The following FRMD6 variants were observed in gnomAD, a reference collection of about 807,000 sequenced individuals.
FRMD6 encodes FERM domain-containing protein 6.
FRMD6 carries 37 observed loss-of-function variants against 73.2 expected under a neutral mutation model. The observed-to-expected ratio is 0.51, with a 90% CI of 0.39 to 0.66. The LOEUF (loss-of-function observed/expected upper bound fraction) is 0.66. Ranked by LOEUF, FRMD6 falls within the 30% of genes least tolerant of loss-of-function variation. The pLI is 0.00. For synonymous variants in FRMD6, 273 were observed against 282.2 expected (o/e 0.97, Z 0.33); for missense variants, 714 against 780.5 (o/e 0.91, Z 1.02).
intron 1 of FRMD6, among the ~76,000 whole-genome samples, chr14:51,673,000 C>A (rs928246925): frequency 8.5e-5 from 13 of 152,198 alleles, no homozygotes; most frequent in Non-Finnish European, 1.5e-4. Context: ...CTTTATTCAC[C>A]ATGTAGGTAA....
At chr14:51,670,986 A>G (rs1183838261) in intron 1 of FRMD6, among the ~76,000 whole-genome samples, 1 of 152,162 alleles carries the variant, frequency 6.6e-6, no homozygotes, top group African/African-American at 2.4e-5. Context: ...AAATTTTATC[A>G]GCTGTTTTTC....
intron 1 of FRMD6, among the ~76,000 whole-genome samples, chr14:51,547,556 C>T (rs1022899042): frequency 2.6e-5 from 4 of 152,162 alleles, no homozygotes; most frequent in African/African-American, 9.7e-5. Flanking sequence ...TAGCCAAATG[C>T]ATCTCCTGGT....
intron 2 of FRMD6, among the ~76,000 whole-genome samples, chr14:51,639,096 G>T (rs8021964): frequency 0.049 from 7,376 of 151,080 alleles, 212 homozygotes; most frequent in Middle Eastern, 0.075. Context: ...CCCATTTTTT[G>T]CCACAGGACT....
At chr14:51,658,503 GAA>G (rs1327107953) in intron 1 of FRMD6, among the ~76,000 whole-genome samples, 1 of 152,118 alleles carries the variant, frequency 6.6e-6, no homozygotes, top group East Asian at 1.9e-4. Flanking sequence ...TCATCCTTAA[GAA>G]AATGTTTCAA....
intron 1 of FRMD6, among the ~76,000 whole-genome samples, chr14:51,507,489 C>G (rs904909537): frequency 6.6e-6 from 1 of 152,086 alleles, no homozygotes; most frequent in African/African-American, 2.4e-5. Context: ...AGGTAGAGAC[C>G]CTGAATAATT....
chr14:51,525,940 C>T (rs1334239947), intron 1 of FRMD6, among the ~76,000 whole-genome samples: 3 of 152,074 alleles, frequency 2.0e-5, no homozygotes, highest in Non-Finnish European at 4.4e-5. Context: ...ATGTTAAAAC[C>T]ACCATGAAAG....
chr14:51,478,119 A>G, the FRMD6 span, among the ~76,000 whole-genome samples: 1 of 152,174 alleles, frequency 6.6e-6, no homozygotes, highest in Non-Finnish European at 1.5e-5. Flanking sequence ...TCTGTAACTG[A>G]GTGATTTTAG....
chr14:51,726,774 G>T (rs1897979415), intron 13 of FRMD6, among the ~76,000 whole-genome samples: 1 of 152,150 alleles, frequency 6.6e-6, no homozygotes, highest in Non-Finnish European at 1.5e-5. Context: ...GTGAAATCCT[G>T]TTGGAGTCTG....
chr14:51,637,090 T>C lies in FRMD6; in HGVS notation c.-146-52601T>C, dbSNP rs112767006. ...AATAATAATTAGCTGGGCATGGTGG[T>C]GTACACCTATAGTTCCAACTACGTG... On this transcript the variant is annotated intron_variant, in intron 2 of 14. Transcript: ENST00000356218. Among the ~76,000 whole-genome samples, 371 of 152,084 alleles carry C rather than the reference T, an allele frequency of 2.4e-3. 3 individuals are homozygous for C. The highest frequency in any genetic ancestry group is 7.8e-3 in the African/African-American group (325 of 41,470).
At chr14:51,477,911 T>C in the FRMD6 span, among the ~76,000 whole-genome samples, 18 of 152,258 alleles carry the variant, frequency 1.2e-4, no homozygotes, top group African/African-American at 3.6e-4. Context: ...GCTAATTTTG[T>C]ATTTTCAATA....
At position 51,715,368 on chromosome 14, in the gene FRMD6, G is replaced by A. The variant is rs374142834; in HGVS notation, c.893G>A (p.Arg298Gln). 59 of 1,601,178 alleles carry A rather than the reference G, an allele frequency of 3.7e-5. No homozygotes were observed. Among genetic ancestry groups the A allele is most frequent in the African/African-American group, 5.4e-5 (4 of 74,526 alleles). Residue 298 changes from arginine (R) to glutamine (Q), a missense_variant, in exon 10 of 14, where the codon CGG becomes CAG. Physicochemically the swap from Arg to Gln is conservative, Grantham distance 43. Transcript: ENST00000344768. ...TTGCCAGATGGCTTGCCTTCTGCCC[G>A]GAAGCTCATATACTACACGGGGTGC... is the stretch of plus-strand genomic sequence containing the variant. Reference protein sequence around the residue: ...EILPDGLPSARKLIYYTGCPM... With the variant: ...EILPDGLPSAQKLIYYTGCPM...
At chr14:51,622,478 G>T (rs1890961165) in intron 2 of FRMD6, among the ~76,000 whole-genome samples, 1 of 152,158 alleles carries the variant, frequency 6.6e-6, no homozygotes, top group Non-Finnish European at 1.5e-5. Flanking sequence ...GGCAGAAGCA[G>T]TCCTGACTCC....
At chr14:51,648,115 G>A (rs527582989), upstream of FRMD6, among the ~76,000 whole-genome samples, 4 of 152,228 alleles carry the variant, frequency 2.6e-5, no homozygotes, top group South Asian at 2.1e-4. Flanking sequence ...ATGAGCCACC[G>A]CGCCCAGCCA....
chr14:51,642,839 A>G (rs1891871925), intron 2 of FRMD6, among the ~76,000 whole-genome samples: 1 of 152,252 alleles, frequency 6.6e-6, no homozygotes, highest in South Asian at 2.1e-4. Context: ...ACAATACTTA[A>G]TAAGTATCTG....
the FRMD6 span, among the ~76,000 whole-genome samples, chr14:51,439,150 G>T: frequency 6.6e-6 from 1 of 152,184 alleles, no homozygotes; most frequent in African/African-American, 2.4e-5. Context: ...AAAGCTTTTT[G>T]ATGTATAAAA....
intron 3 of FRMD6, among the ~76,000 whole-genome samples, chr14:51,699,431 C>T (rs958056802): frequency 1.3e-5 from 2 of 152,016 alleles, no homozygotes; most frequent in Admixed American, 6.6e-5. Flanking sequence ...ACTGCTAGAT[C>T]CTTATTGTTC....
intron 1 of FRMD6, among the ~76,000 whole-genome samples, chr14:51,519,023 A>G (rs1349080450): frequency 6.6e-6 from 1 of 152,226 alleles, no homozygotes; most frequent in Non-Finnish European, 1.5e-5. Context: ...TGAACAAGAT[A>G]GTCTTGTCCT....
chr14:51,694,510 T>C (rs914019539), intron 2 of FRMD6, among the ~76,000 whole-genome samples: 1 of 152,098 alleles, frequency 6.6e-6, no homozygotes, highest in African/African-American at 2.4e-5. Context: ...GGCAACATAG[T>C]GAGACCCCTG....
rs1450882226 is a variant in FRMD6 at position 51,692,288 on chromosome 14, GT to G, written c.99+2354del. 5.3e-5 allele frequency among the ~76,000 whole-genome samples: 8 copies of G among 152,230 alleles called. No individual in the cohort carries two copies. The East Asian group carries it at 1.3e-3, about 26-fold the overall frequency. ...AATCGACAATGTGTCTCTTTTTTCA[GT>G]GGGGGCACTAGCAATATAAGTTATA... On this transcript the variant is annotated intron_variant, in intron 2 of 13. Coordinates refer to ENST00000344768, the MANE Select transcript of FRMD6 (RefSeq NM_001267046.2).
Sources: gnomAD v4.1 joint callset for allele counts (sites outside exome capture counted in the v4.1 genomes callset) on GRCh38, gnomAD v4.1.1 for gene constraint, MANE v1.5 for transcripts, NCBI Gene and HGNC (gene_info 2026-07-23, HGNC 2026-07-21) for gene names.